The following BOLL variants were observed in gnomAD, a reference collection of about 807,000 sequenced individuals.
BOLL encodes boule RNA binding protein.
In BOLL, 23 loss-of-function variants were observed where a neutral mutation model predicts 44.4. That is an observed-to-expected ratio of 0.52 (90% CI 0.37 to 0.73). BOLL has a LOEUF of 0.73. Among genes scored for constraint, BOLL ranks in the 30% least tolerant of loss-of-function variants. BOLL has a pLI of 0.00. For synonymous variants in BOLL, 97 were observed against 110.8 expected (o/e 0.88, Z 0.78); for missense variants, 287 against 338.3 (o/e 0.85, Z 1.19).
intron 5 of BOLL, 84 bp from the exon 6 acceptor site, chr2:197,772,066 T>A (rs1474646946): frequency 8.4e-7 from 1 of 1,192,978 alleles, no homozygotes; most frequent in Admixed American, 2.7e-5. Context: ...AGAAAAATAT[T>A]TATCTTAATA....
intron 1 of BOLL, among the ~76,000 whole-genome samples, 157 bp from the exon 2 acceptor site, chr2:197,782,022 G>A (rs1040556650): frequency 2.0e-5 from 3 of 152,034 alleles, no homozygotes; most frequent in African/African-American, 7.2e-5. Context: ...TATAATTAGA[G>A]CTAAGAGCTT....
chr2:197,778,935 A>G, intron 3 of BOLL, 40 bp downstream of exon 3: 1 of 1,528,538 alleles, frequency 6.5e-7, no homozygotes, highest in Non-Finnish European at 8.9e-7. Flanking sequence ...CAATGAAAAT[A>G]GAGTTGCTAA....
chr2:197,778,805 TACACACAC>T (rs71964015), intron 3 of BOLL, among the ~76,000 whole-genome samples, 162 bp downstream of exon 3: 6 of 143,490 alleles, frequency 4.2e-5, no homozygotes, highest in African/African-American at 1.5e-4. Flanking sequence ...CCCTCCAAAA[TACACACAC>T]ACACACACAC....
At position 197,749,551 on chromosome 2, in the gene BOLL, G is replaced by A. The variant is rs148907645; in HGVS notation, c.730-6392C>T. On this transcript the variant is annotated intron_variant, in intron 9 of 10. Transcript: ENST00000392296. The stretch of plus-strand genomic sequence containing the variant: ...TAGAGAAAAAGAAAAGTGACCTGAT[G>A]GAACTGAAAAACACAGCACGAGAAC... Among the ~76,000 whole-genome samples, 627 of 151,980 alleles carry A rather than the reference G, an allele frequency of 4.1e-3. 7 individuals carry two copies. The highest frequency in any genetic ancestry group is 0.014 in the African/African-American group (599 of 41,458).
At chr2:197,771,031 A>G (rs1290549434) in intron 6 of BOLL, among the ~76,000 whole-genome samples, 1 of 152,174 alleles carries the variant, frequency 6.6e-6, no homozygotes, top group Non-Finnish European at 1.5e-5. Flanking sequence ...TCATGCTGCT[A>G]TAAAGAAACA....
chr2:197,782,131 A>G (rs943961411), intron 1 of BOLL, among the ~76,000 whole-genome samples: 8 of 152,158 alleles, frequency 5.3e-5, no homozygotes, highest in Non-Finnish European at 1.2e-4. Flanking sequence ...TATCAAACCT[A>G]TTACTTAATT....
At chr2:197,755,377 A>G (rs897326499) in intron 9 of BOLL, among the ~76,000 whole-genome samples, 1 of 152,274 alleles carries the variant, frequency 6.6e-6, no homozygotes, top group Non-Finnish European at 1.5e-5. Flanking sequence ...CATTTGACCC[A>G]GCAATCCCAT....
At chr2:197,778,925 C>T in intron 3 of BOLL, 50 bp downstream of exon 3, 1 of 1,480,656 alleles carries the variant, frequency 6.8e-7, no homozygotes. Flanking sequence ...CCTAGTCATC[C>T]AATGAAAATA....
chr2:197,738,377 C>T (rs894865212), intron 10 of BOLL, among the ~76,000 whole-genome samples: 1 of 152,126 alleles, frequency 6.6e-6, no homozygotes, highest in African/African-American at 2.4e-5. Flanking sequence ...CCACACCTGG[C>T]CTAAAACTTG....
At chr2:197,742,492 T>G (rs1001903299) in intron 10 of BOLL, among the ~76,000 whole-genome samples, 4 of 152,124 alleles carry the variant, frequency 2.6e-5, no homozygotes, top group Non-Finnish European at 4.4e-5. Flanking sequence ...CCATAAAAAA[T>G]GATGAGTTCA....
rs1392134688 is a variant in BOLL, at chr2:197,773,718, G to A, written c.353-1736C>T. 2.0e-5 allele frequency among the ~76,000 whole-genome samples: 3 copies of A among 151,868 alleles called. No individual in the cohort carries two copies. The East Asian group carries it at 5.8e-4, about 29-fold the overall frequency. On this transcript the variant is annotated intron_variant, in intron 5 of 10. Coordinates refer to ENST00000392296, the MANE Select transcript of BOLL (RefSeq NM_033030.6). ...TTCTGGAACTGAAAGAAGGCTACAT[G>A]GCTAAAGCATGGAAAGAAAAGGGAA...
chr2:197,781,141 T>G (rs1246808443), intron 2 of BOLL, among the ~76,000 whole-genome samples: 1 of 152,092 alleles, frequency 6.6e-6, no homozygotes, highest in African/African-American at 2.4e-5. Context: ...TAGTACCGAA[T>G]AGTTATTTTT....
intron 1 of BOLL, among the ~76,000 whole-genome samples, chr2:197,782,392 A>G (rs148786315): frequency 2.4e-4 from 36 of 152,344 alleles, no homozygotes; most frequent in African/African-American, 8.7e-4. Context: ...TGCCCAAACC[A>G]CAAGAATAAC....
chr2:197,769,418 A>G (rs972104971), intron 6 of BOLL, among the ~76,000 whole-genome samples: 1 of 151,954 alleles, frequency 6.6e-6, no homozygotes, highest in African/African-American at 2.4e-5. Context: ...GAATTTATCC[A>G]TTTCTTCTAG....
chr2:197,731,078 G>T, intron 10 of BOLL, among the ~76,000 whole-genome samples: 1 of 152,096 alleles, frequency 6.6e-6, no homozygotes, highest in African/African-American at 2.4e-5. Context: ...CACCTCACTT[G>T]CAGAGACACA....
intron 7 of BOLL, 143 bp from the exon 8 acceptor site, chr2:197,757,543 A>G: frequency 1.6e-6 from 1 of 616,788 alleles, no homozygotes; most frequent in Non-Finnish European, 2.8e-6. Flanking sequence ...ATTAACTCAA[A>G]ATGGACCAGA....
At chr2:197,744,654 A>C (rs1416192120) in intron 9 of BOLL, among the ~76,000 whole-genome samples, 1 of 152,130 alleles carries the variant, frequency 6.6e-6, no homozygotes, top group Non-Finnish European at 1.5e-5. Context: ...AAAATCAGGG[A>C]AGTGGTGGGA....
At chr2:197,752,101 C>T (rs1688289596) in intron 9 of BOLL, among the ~76,000 whole-genome samples, 1 of 152,114 alleles carries the variant, frequency 6.6e-6, no homozygotes, top group South Asian at 2.1e-4. Context: ...AATTCAACAC[C>T]CTTTCATGCT....
In BOLL at chr2:197,728,023, T is replaced by C. The variant is rs1686923277; in HGVS notation, c.*532A>G. On this transcript the variant is annotated 3_prime_UTR_variant, in exon 11 of 11. Transcript: ENST00000392296. ...GTAACAGTAATAAATGAATTAAAAA[T>C]TAGACAAAAGCATATTAAATGACAA... 1 of 152,870 alleles carries C rather than the reference T, an allele frequency of 6.5e-6. No homozygotes were observed. The highest frequency in any genetic ancestry group is 6.5e-5 in the Admixed American group (1 of 15,288). 9.5% of individuals were successfully genotyped at this position (152,870 alleles called of 1,614,324 possible).
Sources: allele counts gnomAD v4.1 joint callset (sites outside exome capture counted in the v4.1 genomes callset), GRCh38; gene constraint gnomAD v4.1.1; transcripts MANE v1.5; gene names NCBI Gene and HGNC (gene_info 2026-07-23, HGNC 2026-07-21).